The following MED27 variants were observed in gnomAD, a reference collection of about 807,000 sequenced individuals.
MED27 encodes mediator complex subunit 27.
MED27 carries 30 observed loss-of-function variants against 38.2 expected under a neutral mutation model. The ratio of observed to expected loss-of-function variants is 0.79; its 90% CI spans 0.59 to 1.07. The LOEUF (loss-of-function observed/expected upper bound fraction) is 1.07. MED27 is among the 50% of genes least tolerant of loss of function. The pLI is 0.00. For synonymous variants in MED27, 122 were observed against 153.5 expected (o/e 0.79, Z 1.52); for missense variants, 289 against 397.5 (o/e 0.73, Z 2.32).
At chr9:132,004,435 C>A (rs537084505) in intron 3 of MED27, among the ~76,000 whole-genome samples, 5 of 152,188 alleles carry the variant, frequency 3.3e-5, no homozygotes, top group Non-Finnish European at 7.3e-5. Context: ...TTACAAAGGA[C>A]TATCTTATTT....
intron 2 of MED27, among the ~76,000 whole-genome samples, chr9:132,063,743 C>T (rs1045078688): frequency 3.9e-5 from 6 of 152,238 alleles, no homozygotes; most frequent in East Asian, 1.9e-4. Flanking sequence ...ACACCTCCAC[C>T]GCTCAAGTGT....
intron 2 of MED27, among the ~76,000 whole-genome samples, chr9:132,055,259 G>A (rs902740242): frequency 1.3e-5 from 2 of 152,170 alleles, no homozygotes; most frequent in Admixed American, 6.5e-5. Flanking sequence ...AAATAGTTAT[G>A]CCCCCAATAT....
chr9:132,079,037 T>G (rs1223745142), intron 1 of MED27, among the ~76,000 whole-genome samples: 1 of 152,178 alleles, frequency 6.6e-6, no homozygotes, highest in South Asian at 2.1e-4. Flanking sequence ...GTTAAGAGAT[T>G]AGAGAGTAGG....
At chr9:132,036,795 A>G (rs1387829616) in intron 2 of MED27, among the ~76,000 whole-genome samples, 1 of 152,238 alleles carries the variant, frequency 6.6e-6, no homozygotes, top group African/African-American at 2.4e-5. Context: ...AAGAGGTTAC[A>G]GCCTGTAAGT....
chr9:131,949,389 G>A (rs1037164631), intron 3 of MED27, among the ~76,000 whole-genome samples: 5 of 152,154 alleles, frequency 3.3e-5, no homozygotes, highest in African/African-American at 1.2e-4. Flanking sequence ...TCAATCTCTC[G>A]TCAACTCTGG....
chr9:132,030,192 G>C (rs1277111861), intron 2 of MED27, among the ~76,000 whole-genome samples: 1 of 152,246 alleles, frequency 6.6e-6, no homozygotes, highest in East Asian at 1.9e-4. Context: ...ACTGGTGCCA[G>C]AGCCACGTTG....
At chr9:131,975,550 T>C (rs1831586223) in intron 3 of MED27, among the ~76,000 whole-genome samples, 1 of 152,226 alleles carries the variant, frequency 6.6e-6, no homozygotes, top group African/African-American at 2.4e-5. Context: ...TAAGCAGCAG[T>C]GGTCCAGTCA....
At chr9:132,028,921 A>G (rs1379504799) in intron 2 of MED27, among the ~76,000 whole-genome samples, 1 of 152,058 alleles carries the variant, frequency 6.6e-6, no homozygotes, top group Non-Finnish European at 1.5e-5. Flanking sequence ...ATCATAGTAC[A>G]CTCTCAAAAT....
chr9:131,993,830 A>C (rs1194153934), intron 3 of MED27, among the ~76,000 whole-genome samples: 1 of 152,022 alleles, frequency 6.6e-6, no homozygotes, highest in Non-Finnish European at 1.5e-5. Flanking sequence ...TTCTCCGTAC[A>C]CTCTGATTTC....
chr9:131,998,429 T>G (rs1004116234), intron 3 of MED27, among the ~76,000 whole-genome samples: 7 of 152,092 alleles, frequency 4.6e-5, no homozygotes, highest in Non-Finnish European at 8.8e-5. Context: ...CAGAACTCAC[T>G]GGAGAAAAAT....
chr9:131,901,330 C>T (rs1301192055), intron 4 of MED27, among the ~76,000 whole-genome samples: 2 of 152,194 alleles, frequency 1.3e-5, no homozygotes, highest in African/African-American at 2.4e-5. Context: ...TTCACAGAAT[C>T]ATAGAACTGT....
Position 131,862,997 on chromosome 9 carries a change from G to A in MED27, c.801+66C>T, listed in dbSNP as rs1657472517. On this transcript the variant is annotated intron_variant, in intron 7 of 7. Coordinates refer to ENST00000292035, the MANE Select transcript of MED27 (RefSeq NM_004269.4). This position sits in a 1 kb window ranked among gnomAD's most constrained non-coding sequence, Gnocchi z 4.6. ...TGAAGATGCAACGGCTGCCCTTCAAGCTCCCTGTTCTCACTTGAAGGGAGC... is the reference window on the plus strand; with the variant it reads ...TGAAGATGCAACGGCTGCCCTTCAAACTCCCTGTTCTCACTTGAAGGGAGC... 1.4e-6 allele frequency: 2 copies of A among 1,426,342 alleles called. No homozygotes were observed. Among genetic ancestry groups the A allele is most frequent in the African/African-American group, 1.4e-5 (1 of 71,064 alleles). 88.4% of individuals were successfully genotyped at this position (1,426,342 alleles called of 1,614,324 possible). A position where few individuals can be genotyped will look rare whatever the true frequency, so the allele number is the denominator to read the frequency against.
At chr9:131,870,305 G>A (rs2131458311) in intron 6 of MED27, among the ~76,000 whole-genome samples, 1 of 152,308 alleles carries the variant, frequency 6.6e-6, no homozygotes. Flanking sequence ...TCTGTCCCTT[G>A]TGAGCTGTGT....
At chr9:131,989,778 A>G (rs148455879) in intron 3 of MED27, among the ~76,000 whole-genome samples, 22 of 151,746 alleles carry the variant, frequency 1.4e-4, no homozygotes, top group African/African-American at 5.1e-4. Context: ...ACATAAACAT[A>G]CTTAAAAAAA....
At chr9:132,022,115 T>C (rs1388948943) in intron 2 of MED27, among the ~76,000 whole-genome samples, 2 of 152,140 alleles carry the variant, frequency 1.3e-5, no homozygotes, top group Non-Finnish European at 2.9e-5. Flanking sequence ...TGACAGATTA[T>C]TGACAGGCGG....
intron 2 of MED27, among the ~76,000 whole-genome samples, chr9:132,039,100 A>C (rs1833147679): frequency 6.6e-6 from 1 of 152,246 alleles, no homozygotes; most frequent in Non-Finnish European, 1.5e-5. Context: ...AAGGAATTCC[A>C]TAAACCAAAA....
chr9:132,052,725 C>T (rs1833491257), intron 2 of MED27, among the ~76,000 whole-genome samples: 1 of 132,704 alleles, frequency 7.5e-6, no homozygotes, highest in Admixed American at 8.5e-5. Flanking sequence ...TGTCCATGTG[C>T]ACACATTATT....
At chr9:132,067,421 G>A (rs1833832007) in intron 2 of MED27, among the ~76,000 whole-genome samples, 1 of 152,214 alleles carries the variant, frequency 6.6e-6, no homozygotes, top group African/African-American at 2.4e-5. Context: ...ACTAAGCTGA[G>A]ACCTGAATGA....
chr9:131,969,517 A>C (rs917368867), intron 3 of MED27, among the ~76,000 whole-genome samples: 2 of 152,210 alleles, frequency 1.3e-5, no homozygotes, highest in Non-Finnish European at 2.9e-5. Flanking sequence ...TAATCATAAT[A>C]AAGAGGTTGA....
Sources: allele counts gnomAD v4.1 joint callset (sites outside exome capture counted in the v4.1 genomes callset), GRCh38; gene constraint gnomAD v4.1.1; non-coding constraint Gnocchi (gnomAD v3.1); transcripts MANE v1.5; gene names NCBI Gene and HGNC (gene_info 2026-07-23, HGNC 2026-07-21).